The following PDE8A variants were observed in gnomAD, a reference collection of about 807,000 sequenced individuals.
PDE8A encodes the protein phosphodiesterase 8A.
PDE8A carries 59 observed loss-of-function variants against 105.0 expected under a neutral mutation model. That is an observed-to-expected ratio of 0.56 (90% CI 0.46 to 0.70). The LOEUF (loss-of-function observed/expected upper bound fraction) is 0.70. Among genes scored for constraint, PDE8A ranks in the 30% least tolerant of loss-of-function variants. The probability of loss-of-function intolerance (pLI) is 0.00; values close to 1 mark genes in which losing one functional copy is unlikely to be tolerated. For synonymous variants in PDE8A, 355 were observed against 371.9 expected, an observed-to-expected ratio of 0.95 and a Z score of 0.52; for missense variants, 1,014 against 1,045.9, an observed-to-expected ratio of 0.97 and a Z score of 0.42.
intron 12 of PDE8A, among the ~76,000 whole-genome samples, chr15:85,112,987 T>C (rs1053388713): frequency 6.6e-5 from 10 of 152,228 alleles, no homozygotes; most frequent in Admixed American, 1.3e-4. Context: ...TCCTGCCATA[T>C]ATGAAACAAA....
chr15:84,987,112 C>G (rs75579900), intron 1 of PDE8A, among the ~76,000 whole-genome samples: 1,969 of 152,304 alleles, frequency 0.013, 14 homozygotes, highest in Non-Finnish European at 0.019. Context: ...CAGTTTATCT[C>G]TAGAGCTCAG....
At chr15:85,097,030 G>A (rs1052862159) in intron 8 of PDE8A, among the ~76,000 whole-genome samples, 1 of 152,112 alleles carries the variant, frequency 6.6e-6, no homozygotes, top group Admixed American at 6.6e-5. Context: ...AAGCCAACAA[G>A]GCTGCCATGG....
intron 1 of PDE8A, among the ~76,000 whole-genome samples, chr15:85,026,360 G>A (rs1440128039): frequency 6.6e-6 from 1 of 152,034 alleles, no homozygotes; most frequent in African/African-American, 2.4e-5. Context: ...GAATCAGCTG[G>A]GACCAATGAC....
intron 1 of PDE8A, among the ~76,000 whole-genome samples, chr15:85,014,128 CTTTTT>C (rs2080284686): frequency 1.9e-5 from 2 of 107,788 alleles, no homozygotes; most frequent in Non-Finnish European, 4.7e-5. Flanking sequence ...TTCTTCCTTT[CTTTTT>C]CTTTTTCTTT....
At chr15:85,071,665 G>A (rs565293260) in intron 3 of PDE8A, among the ~76,000 whole-genome samples, 7 of 152,130 alleles carry the variant, frequency 4.6e-5, no homozygotes, top group Admixed American at 4.6e-4. Flanking sequence ...GTGATCTACC[G>A]CCCAGACCTA....
intron 1 of PDE8A, among the ~76,000 whole-genome samples, chr15:85,013,390 T>C (rs372442964): frequency 6.6e-6 from 1 of 152,222 alleles, no homozygotes; most frequent in Non-Finnish European, 1.5e-5. Context: ...ATTCTATCTT[T>C]TAGAGTTTTT....
At chr15:85,018,236 G>A (rs2080361612) in intron 1 of PDE8A, among the ~76,000 whole-genome samples, 3 of 152,184 alleles carry the variant, frequency 2.0e-5, no homozygotes, top group Admixed American at 2.0e-4. Context: ...AGTAGAGTCT[G>A]TAGTGGTACT....
At chr15:85,137,227 G>A (rs1449841649) in intron 21 of PDE8A, among the ~76,000 whole-genome samples, 1 of 152,216 alleles carries the variant, frequency 6.6e-6, no homozygotes, top group Non-Finnish European at 1.5e-5. Context: ...GTCTCAAGAA[G>A]GCCGTAGAAC....
chr15:84,980,959 T>A (rs2142126538), upstream of PDE8A, among the ~76,000 whole-genome samples: 1 of 152,296 alleles, frequency 6.6e-6, no homozygotes, highest in Non-Finnish European at 1.5e-5. Flanking sequence ...GGCTGCGGCT[T>A]CTCGCGGACG....
intron 1 of PDE8A, among the ~76,000 whole-genome samples, chr15:84,983,635 A>G (rs2079756074): frequency 6.6e-6 from 1 of 152,246 alleles, no homozygotes; most frequent in African/African-American, 2.4e-5. Context: ...TACTAACTCA[A>G]GGTGCTCTTA....
chr15:85,005,965 C>A (rs749983334), intron 1 of PDE8A, among the ~76,000 whole-genome samples: 37 of 152,292 alleles, frequency 2.4e-4, no homozygotes, highest in Non-Finnish European at 4.1e-4. Context: ...ACACGTTCGG[C>A]TCTGAGCTTC....
intron 1 of PDE8A, among the ~76,000 whole-genome samples, chr15:85,058,953 T>G (rs904377333): frequency 2.0e-5 from 3 of 152,136 alleles, no homozygotes; most frequent in Non-Finnish European, 4.4e-5. Flanking sequence ...TTTCTCTTTT[T>G]CTAGTTCCCT....
Position 85,109,900 on chromosome 15 carries a change from G to A in PDE8A, c.1114+770G>A, listed in dbSNP as rs116498440. 5.7e-3 allele frequency among the ~76,000 whole-genome samples: 868 copies of A among 152,284 alleles called. 6 individuals are homozygous for A. Among genetic ancestry groups the A allele is most frequent in the African/African-American group, 0.02 (836 of 41,556 alleles). On this transcript the variant is annotated intron_variant, in intron 12 of 21. Transcript: ENST00000394553. ...CCTGCTTTGAGGGCAGGATTGGGGTGGTGCCAGTGAGGAAGCGGTATGGGG... is the reference window on the plus strand; with the variant it reads ...CCTGCTTTGAGGGCAGGATTGGGGTAGTGCCAGTGAGGAAGCGGTATGGGG...
chr15:85,102,302 T>C (rs2081875811), intron 11 of PDE8A, among the ~76,000 whole-genome samples: 1 of 151,864 alleles, frequency 6.6e-6, no homozygotes, highest in Admixed American at 6.6e-5. Flanking sequence ...GAAGCACACA[T>C]AGGGAGGGAG....
At chr15:85,050,180 G>C (rs2080950642) in intron 1 of PDE8A, among the ~76,000 whole-genome samples, 1 of 152,048 alleles carries the variant, frequency 6.6e-6, no homozygotes, top group Non-Finnish European at 1.5e-5. Flanking sequence ...GTTGTTGTTG[G>C]ATTATAGGGG....
At chr15:85,103,005 G>A (rs1473087897) in intron 11 of PDE8A, among the ~76,000 whole-genome samples, 1 of 152,136 alleles carries the variant, frequency 6.6e-6, no homozygotes, top group Non-Finnish European at 1.5e-5. Flanking sequence ...TGGATCGCTT[G>A]AGCCCAGGAG....
At chr15:85,016,542 CTG>C in intron 1 of PDE8A, among the ~76,000 whole-genome samples, 1 of 152,324 alleles carries the variant, frequency 6.6e-6, no homozygotes, top group Admixed American at 6.5e-5. Context: ...CACTACCACA[CTG>C]TTTTAATTAT....
Position 84,999,363 on chromosome 15 carries a change from T to G in PDE8A, c.186+17015T>G, listed in dbSNP as rs548876479. ...TCTTTGAACTCCTGACCTCAGGTGA[T>G]CTGCCTGCCTCGGCCTCCCAGTGTA... On this transcript the variant is annotated intron_variant, in intron 1 of 21. Coordinates refer to ENST00000394553, the MANE Select transcript of PDE8A (RefSeq NM_002605.3). Among the ~76,000 whole-genome samples the G allele has an allele frequency of 2.1e-3, 314 of 152,308 alleles. 1 individual carries two copies. The highest frequency in any genetic ancestry group is 3.4e-3 in the Non-Finnish European group (231 of 68,030).
At chr15:85,107,774 T>C (rs771617874) in intron 11 of PDE8A, among the ~76,000 whole-genome samples, 21 of 152,122 alleles carry the variant, frequency 1.4e-4, no homozygotes, top group Non-Finnish European at 2.5e-4. Context: ...GATGTAAGTC[T>C]GGAGCTCAGG....
Sources: allele counts gnomAD v4.1 joint callset (sites outside exome capture counted in the v4.1 genomes callset), GRCh38; gene constraint gnomAD v4.1.1; transcripts MANE v1.5; gene names NCBI Gene and HGNC (gene_info 2026-07-23, HGNC 2026-07-21).